RREB1: variants seen among roughly 807,000 people sequenced by gnomAD.
RREB1 encodes the protein ras-responsive element-binding protein 1.
A neutral mutation model predicts 117.8 loss-of-function variants in RREB1; 27 were observed. The observed-to-expected ratio is 0.23, with a 90% CI of 0.17 to 0.32. The LOEUF is 0.32. Ranked by LOEUF, RREB1 falls within the 10% of genes least tolerant of loss-of-function variation. The pLI, the probability that RREB1 is intolerant of heterozygous loss-of-function variation, is 1.00. For missense variants in RREB1, 2,577 were observed against 2,378.2 expected (o/e 1.08, Z -1.74); for synonymous variants, 1,298 against 1,026.7 (o/e 1.26, Z -5.05).
rs1769094622 is a variant in RREB1 at position 7,246,868 on chromosome 6, A to AGGAGCCCAAGGACGAGAAGGGAGAT, written c.4421_4445dup (p.Ser1484GlnfsTer20). 1 of 1,552,486 alleles carries AGGAGCCCAAGGACGAGAAGGGAGAT rather than the reference A, an allele frequency of 6.4e-7. No individual in the cohort carries two copies. The highest frequency in any genetic ancestry group is 8.7e-7 in the Non-Finnish European group (1 of 1,148,350). Reference sequence around the variant, plus strand: ...CGCCACCGGAAGGCGCACGGCCGCCAGGAGCCCAAGGACGAGAAGGGAGAT... The same window carrying AGGAGCCCAAGGACGAGAAGGGAGAT: ...CGCCACCGGAAGGCGCACGGCCGCCAGGAGCCCAAGGACGAGAAGGGAGATGGAGCCCAAGGACGAGAAGGGAGAT... On this transcript the variant is annotated frameshift_variant, in exon 12 of 13. Transcript: ENST00000379938. LOFTEE classifies it high-confidence loss of function.
In RREB1 at chr6:7,114,225, G is replaced by A. The variant is rs189557487; in HGVS notation, c.-285+6165G>A. On this transcript the variant is annotated intron_variant, in intron 1 of 12. Coordinates refer to ENST00000379938, the MANE Select transcript of RREB1 (RefSeq NM_001003699.4). The stretch of plus-strand genomic sequence containing the variant: ...CAACCTCCACCTCCAGGGTTCAAGC[G>A]ATTCTCCTGCCTCAGTCTCCTGAGC... Among the ~76,000 whole-genome samples, 377 of 152,252 alleles carry A rather than the reference G, an allele frequency of 2.5e-3. 2 individuals are homozygous for A. Among genetic ancestry groups the A allele is most frequent in the African/African-American group, 7.4e-3 (309 of 41,546 alleles).
rs770058597 is a variant in RREB1, at chr6:7,246,500, G to A, written c.4050G>A (p.Pro1350=). 5 of 1,544,718 alleles carry A rather than the reference G, an allele frequency of 3.2e-6. No individual in the cohort carries two copies. The highest frequency in any genetic ancestry group is 4.4e-6 in the Non-Finnish European group (5 of 1,144,846). Residue 1350 remains proline (P), a synonymous_variant, in exon 12 of 13, where the codon CCG becomes CCA. Transcript: ENST00000379938. Reference sequence around the variant, plus strand: ...TCACCTCACGGGACAGAGAGCAGCCGTCGGAGGGCGCCACTGAGCTCCGCC... The same window carrying A: ...TCACCTCACGGGACAGAGAGCAGCCATCGGAGGGCGCCACTGAGCTCCGCC... ...LDLTSRDREQ[P]SEGATELRQV... is the part of the protein sequence containing the mutation.
chr6:7,230,843 A>G lies in RREB1; in HGVS notation c.2744A>G (p.Glu915Gly). Reference sequence around the variant, plus strand: ...CTGGCCCTGGTCCAAGTGAAGCAGGAAAACATCTCCTTTCTGAGCCCTTCT... The same window carrying G: ...CTGGCCCTGGTCCAAGTGAAGCAGGGAAACATCTCCTTTCTGAGCCCTTCT... ...KGLALVQVKQ[E>G]NISFLSPSSL... Residue 915 changes from glutamate to glycine, a missense_variant, in exon 10 of 13, where the codon GAA becomes GGA. Physicochemically the swap from Glu to Gly is moderately conservative, Grantham distance 98. Coordinates refer to ENST00000379938, the MANE Select transcript of RREB1 (RefSeq NM_001003699.4). 3 of 1,614,258 alleles carry G rather than the reference A, an allele frequency of 1.9e-6. No homozygotes were observed. Among genetic ancestry groups the G allele is most frequent in the East Asian group, 2.2e-5 (1 of 44,884 alleles).
chr6:7,111,900 T>A (rs756684897), intron 1 of RREB1, among the ~76,000 whole-genome samples: 1 of 152,212 alleles, frequency 6.6e-6, no homozygotes, highest in Non-Finnish European at 1.5e-5. Context: ...GCATAATCCA[T>A]AAAGTTATGT....
intron 8 of RREB1, chr6:7,219,175 C>T (rs1767095853): frequency 6.8e-6 from 1 of 147,572 alleles, no homozygotes; most frequent in Non-Finnish European, 1.5e-5. Context: ...GAGGCTGAGG[C>T]ATGAGAATCG....
chr6:7,139,183 T>A (rs1323574530), intron 1 of RREB1: 1 of 151,906 alleles, frequency 6.6e-6, no homozygotes, highest in African/African-American at 2.4e-5. Flanking sequence ...CCAAGGTGAC[T>A]GGTTCTATTG....
intron 1 of RREB1, among the ~76,000 whole-genome samples, chr6:7,137,878 A>C (rs1762410823): frequency 6.6e-6 from 1 of 152,056 alleles, no homozygotes; most frequent in Non-Finnish European, 1.5e-5. Flanking sequence ...TAAGTATCTC[A>C]GTTATTTTCA....
At chr6:7,122,284 G>C (rs910650463) in intron 1 of RREB1, among the ~76,000 whole-genome samples, 1 of 152,040 alleles carries the variant, frequency 6.6e-6, no homozygotes, top group Non-Finnish European at 1.5e-5. Context: ...TCTTTTTTAA[G>C]GGATGGAGTT....
At chr6:7,212,264 TAAA>T (rs1309555019) in intron 8 of RREB1, 2 of 152,216 alleles carry the variant, frequency 1.3e-5, no homozygotes, top group African/African-American at 4.8e-5. Context: ...TATGTTTCAA[TAAA>T]AAAGTGACAG....
At chr6:7,154,030 G>A (rs570154937) in intron 1 of RREB1, among the ~76,000 whole-genome samples, 186 of 152,372 alleles carry the variant, frequency 1.2e-3, no homozygotes, top group Middle Eastern at 3.4e-3. Flanking sequence ...GCCAGGACTA[G>A]TCATGTGACC....
intron 10 of RREB1, among the ~76,000 whole-genome samples, chr6:7,236,006 A>G (rs1382943834): frequency 6.7e-6 from 1 of 149,594 alleles, no homozygotes. Context: ...CCTTCCTTCC[A>G]CTCCTCTCCA....
At chr6:7,178,387 A>T (rs1172958604) in intron 2 of RREB1, among the ~76,000 whole-genome samples, 1 of 152,094 alleles carries the variant, frequency 6.6e-6, no homozygotes, top group Non-Finnish European at 1.5e-5. Context: ...ATTGTCCAGG[A>T]TGTGGTTATA....
chr6:7,248,745 T>A lies in RREB1; in HGVS notation c.5006T>A (p.Val1669Asp), dbSNP rs757379210. ...LAPNASNHMA[V>D]TRSRKEGLAS... Reference sequence around the variant, plus strand: ...CCCAATGCCAGCAACCACATGGCTGTCACCCGGAGCCGGAAGGAGGGCTTG... The same window carrying A: ...CCCAATGCCAGCAACCACATGGCTGACACCCGGAGCCGGAAGGAGGGCTTG... The change falls in exon 13 of 13, where the codon GTC (valine) becomes GAC (aspartate). Residue 1669 changes from valine to aspartate, a missense_variant. Coordinates refer to ENST00000379938, the MANE Select transcript of RREB1 (RefSeq NM_001003699.4). 1.5e-5 allele frequency: 24 copies of A among 1,613,974 alleles called. No homozygotes were observed. The highest frequency in any genetic ancestry group is 1.8e-5 in the Non-Finnish European group (21 of 1,180,036).
chr6:7,166,049 C>T (rs191347174), intron 1 of RREB1, among the ~76,000 whole-genome samples: 1,715 of 152,274 alleles, frequency 0.011, 51 homozygotes, highest in Admixed American at 0.055. Context: ...CGTGGAGGGG[C>T]GGTGGCCCTT....
chr6:7,228,062 T>C (rs1767689549), intron 9 of RREB1, among the ~76,000 whole-genome samples: 1 of 152,026 alleles, frequency 6.6e-6, no homozygotes, highest in South Asian at 2.1e-4. Context: ...CAAAAATAAA[T>C]AAATAAAACT....
At chr6:7,131,167 C>T (rs1762142657) in intron 1 of RREB1, among the ~76,000 whole-genome samples, 1 of 151,700 alleles carries the variant, frequency 6.6e-6, no homozygotes, top group Non-Finnish European at 1.5e-5. Flanking sequence ...ACCTTGCGAT[C>T]CATCCACGTC....
intron 1 of RREB1, among the ~76,000 whole-genome samples, chr6:7,120,788 A>G (rs1433711329): frequency 6.8e-6 from 1 of 147,744 alleles, no homozygotes; most frequent in Non-Finnish European, 1.5e-5. Flanking sequence ...CTGGGGCTAC[A>G]GGTGTGCGCC....
chr6:7,242,920 TCA>T (rs1386564490), intron 11 of RREB1, among the ~76,000 whole-genome samples: 13 of 152,326 alleles, frequency 8.5e-5, no homozygotes, highest in Admixed American at 2.6e-4. Context: ...CTGAAATTCT[TCA>T]TTCACTGTCC....
At chr6:7,191,193 C>T (rs1020487096) in intron 6 of RREB1, among the ~76,000 whole-genome samples, 1 of 151,924 alleles carries the variant, frequency 6.6e-6, no homozygotes, top group African/African-American at 2.4e-5. Context: ...ATCTGTATTA[C>T]GTGAACACAT....
Sources: gnomAD v4.1 joint callset for allele counts (sites outside exome capture counted in the v4.1 genomes callset) on GRCh38, gnomAD v4.1.1 for gene constraint, MANE v1.5 for transcripts, NCBI Gene and HGNC (gene_info 2026-07-23, HGNC 2026-07-21) for gene names.